SCGB1D2: variants seen among roughly 807,000 people sequenced by gnomAD.
The protein encoded by SCGB1D2 is secretoglobin family 1D member 2.
Under a neutral mutation model 10.5 loss-of-function variants are expected in SCGB1D2, and 10 were observed. The observed-to-expected ratio is 0.95, with a 90% CI of 0.59 to 1.61. SCGB1D2 has a LOEUF of 1.61. Ranked by LOEUF, SCGB1D2 falls within the 40% of genes most tolerant of loss-of-function variation. SCGB1D2 has a pLI of 0.00. For missense variants in SCGB1D2, 113 were observed against 103.8 expected, an observed-to-expected ratio of 1.09 and a Z score of -0.38; for synonymous variants, 42 against 42.8, an observed-to-expected ratio of 0.98 and a Z score of 0.08.
intron 2 of SCGB1D2, 92 bp downstream of exon 2, chr11:62,243,568 G>T (rs1443101068): frequency 2.7e-6 from 3 of 1,126,728 alleles, no homozygotes; most frequent in Non-Finnish European, 3.8e-6. Context: ...GACACAGGTG[G>T]TGGGGCAGCT....
intron 2 of SCGB1D2, among the ~76,000 whole-genome samples, chr11:62,244,446 G>T (rs112494161): frequency 6.6e-6 from 1 of 152,048 alleles, no homozygotes; most frequent in Non-Finnish European, 1.5e-5. Context: ...CCTCATTCCC[G>T]GATCACCCCA....
At position 62,242,242 on chromosome 11, in the gene SCGB1D2, C is replaced by A; in HGVS notation, c.-66C>A. ...GCCCTGGGCTCTGCAGCTCCACAGG[C>A]TCCTGGGGTGGAGTCCAAATCACTC... On this transcript the variant is annotated 5_prime_UTR_variant, in exon 1 of 3. Transcript: ENST00000244926. 1.3e-6 allele frequency: 2 copies of A among 1,565,540 alleles called. No individual in the cohort carries two copies. Among genetic ancestry groups the A allele is most frequent in the Non-Finnish European group, 1.8e-6 (2 of 1,137,336 alleles).
chr11:62,243,466 C>A lies in SCGB1D2; in HGVS notation c.233C>A (p.Ala78Glu), dbSNP rs373290916. Reference protein sequence around the residue: ...QMSLQKRSLIAEVLVKILKKC... With the variant: ...QMSLQKRSLIEEVLVKILKKC... ...TCCCTTCAGAAACGAAGCCTCATTG[C>A]GGAAGTCCTGGTAACTTCTTTCTCC... The change falls in exon 2 of 3, where the codon GCG (alanine) becomes GAG (glutamate). Residue 78 changes from alanine to glutamate, a missense_variant. Ala to Glu is a moderately radical substitution (Grantham distance 107). Transcript: ENST00000244926. 52 of 1,612,366 alleles carry A rather than the reference C, an allele frequency of 3.2e-5. No individual in the cohort carries two copies. The African/African-American group carries it at 4.7e-4, about 14-fold the overall frequency.
At chr11:62,243,630 C>T (rs972289904) in intron 2 of SCGB1D2, among the ~76,000 whole-genome samples, 154 bp downstream of exon 2, 3 of 152,154 alleles carry the variant, frequency 2.0e-5, no homozygotes, top group African/African-American at 7.2e-5. Context: ...GGGTGGGTGC[C>T]ACCATTTCAC....
rs150142974 is a variant in SCGB1D2 at position 62,243,078 on chromosome 11, G to A, written c.56-211G>A. Among the ~76,000 whole-genome samples the A allele has an allele frequency of 1.3e-4, 20 of 151,970 alleles. No individual in the cohort carries two copies. The East Asian group carries it at 3.9e-3, about 29-fold the overall frequency. The stretch of plus-strand genomic sequence containing the variant: ...CTGAATTCCAGCCTGGGTGACAAAG[G>A]GAAAAAAAAGAGTTTGGCTGTTGAT... On this transcript the variant is annotated intron_variant, in intron 1 of 2. Coordinates refer to ENST00000244926, the MANE Select transcript of SCGB1D2 (RefSeq NM_006551.4).
intron 2 of SCGB1D2, among the ~76,000 whole-genome samples, 180 bp from the exon 3 acceptor site, chr11:62,244,490 T>C (rs58933761): frequency 3.2e-4 from 48 of 152,268 alleles, no homozygotes; most frequent in African/African-American, 1.1e-3. Context: ...GGCTGCTCCA[T>C]CACCGGCATG....
Position 62,243,313 on chromosome 11 carries a change from T to C in SCGB1D2, c.80T>C (p.Leu27Pro), listed in dbSNP as rs1208554671. Residue 27 changes from leucine (L) to proline (P), a missense_variant, in exon 2 of 3, where the codon CTT (leucine) becomes CCT (proline). By Grantham distance (98) the Leu-to-Pro change is moderately conservative (BLOSUM62 -3). Coordinates refer to ENST00000244926, the MANE Select transcript of SCGB1D2 (RefSeq NM_006551.4). ...GCCAATGCCGAGTTCTGCCCAGCTCTTGTTTCTGAGCTGTTAGACTTCTTC... is the reference window on the plus strand; with the variant it reads ...GCCAATGCCGAGTTCTGCCCAGCTCCTGTTTCTGAGCTGTTAGACTTCTTC... ...YQANAEFCPA[L>P]VSELLDFFFI... is the part of the protein sequence containing the mutation. The C allele has an allele frequency of 6.2e-7, 1 of 1,613,782 alleles. No homozygotes were observed. The highest frequency in any genetic ancestry group is 1.1e-5 in the South Asian group (1 of 91,036).
intron 2 of SCGB1D2, among the ~76,000 whole-genome samples, chr11:62,244,055 G>T (rs1215371190): frequency 1.3e-5 from 2 of 152,140 alleles, no homozygotes; most frequent in African/African-American, 4.8e-5. Flanking sequence ...AGTCGTCCAA[G>T]ACCCTAGCTA....
At position 62,243,307 on chromosome 11, in the gene SCGB1D2, C is replaced by G. The variant is rs748654159; in HGVS notation, c.74C>G (p.Pro25Arg). 1 of 1,613,360 alleles carries G rather than the reference C, an allele frequency of 6.2e-7. No individual in the cohort carries two copies. The highest frequency in any genetic ancestry group is 8.5e-7 in the Non-Finnish European group (1 of 1,179,562). ...GCTGCAGCCAATGCCGAGTTCTGCC[C>G]AGCTCTTGTTTCTGAGCTGTTAGAC... ...CCYQANAEFC[P>R]ALVSELLDFF... Residue 25 changes from proline (P) to arginine (R), a missense_variant, in exon 2 of 3, where the codon CCA (proline) becomes CGA (arginine). Physicochemically the swap from Pro to Arg is moderately radical, Grantham distance 103. Coordinates refer to ENST00000244926, the MANE Select transcript of SCGB1D2 (RefSeq NM_006551.4).
intron 1 of SCGB1D2, 132 bp from the exon 2 acceptor site, chr11:62,243,157 T>C (rs1945077656): frequency 1.4e-5 from 9 of 655,392 alleles, no homozygotes; most frequent in Non-Finnish European, 2.6e-6. Context: ...CTGAAGGGTC[T>C]GGCATTGTCA....
Position 62,243,378 on chromosome 11 carries a change from T to C in SCGB1D2, c.145T>C (p.Phe49Leu). The change falls in exon 2 of 3, where the codon TTT becomes CTT. Residue 49 changes from phenylalanine (F) to leucine (L), a missense_variant. Phe to Leu is a conservative substitution (Grantham distance 22). Transcript: ENST00000244926. The stretch of plus-strand genomic sequence containing the variant: ...TCTGTTCAAGTTAAGTCTTGCCAAA[T>C]TTGATGCCCCTCCGGAAGCTGTTGC... ...EPLFKLSLAK[F>L]DAPPEAVAAK... 2 of 1,614,098 alleles carry C rather than the reference T, an allele frequency of 1.2e-6. No individual in the cohort carries two copies. The highest frequency in any genetic ancestry group is 1.7e-6 in the Non-Finnish European group (2 of 1,179,940).
At chr11:62,244,198 T>C (rs1945089915) in intron 2 of SCGB1D2, among the ~76,000 whole-genome samples, 1 of 152,162 alleles carries the variant, frequency 6.6e-6, no homozygotes, top group South Asian at 2.1e-4. Flanking sequence ...CAAATGCTCA[T>C]GGAAGCTGCA....
In SCGB1D2 at chr11:62,244,788, T is replaced by A; in HGVS notation, c.*89T>A. On this transcript the variant is annotated 3_prime_UTR_variant, in exon 3 of 3. Transcript: ENST00000244926. ...ATGTAAAGGTTTCAACGTCTTGCTTTAATAAATCACTTGCTCTCCACGTCT... is the reference window on the plus strand; with the variant it reads ...ATGTAAAGGTTTCAACGTCTTGCTTAAATAAATCACTTGCTCTCCACGTCT... 8.7e-7 allele frequency: 1 copy of A among 1,155,694 alleles called. No individual in the cohort carries two copies. Among genetic ancestry groups the A allele is most frequent in the Non-Finnish European group, 1.3e-6 (1 of 775,438 alleles). 71.6% of individuals were successfully genotyped at this position (1,155,694 alleles called of 1,614,324 possible). A position where few individuals can be genotyped will look rare whatever the true frequency, so the allele number is the denominator to read the frequency against.
chr11:62,242,254 A>C lies in SCGB1D2; in HGVS notation c.-54A>C. The C allele has an allele frequency of 6.3e-7, 1 of 1,595,426 alleles. No individual in the cohort carries two copies. ...GCAGCTCCACAGGCTCCTGGGGTGG[A>C]GTCCAAATCACTCATTGTTTGTGAA... On this transcript the variant is annotated 5_prime_UTR_variant, in exon 1 of 3. Coordinates refer to ENST00000244926, the MANE Select transcript of SCGB1D2 (RefSeq NM_006551.4).
In SCGB1D2 at chr11:62,243,361, A is replaced by G; in HGVS notation, c.128A>G (p.Lys43Arg). 1 of 1,614,032 alleles carries G rather than the reference A, an allele frequency of 6.2e-7. No individual in the cohort carries two copies. Among genetic ancestry groups the G allele is most frequent in the African/African-American group, 1.3e-5 (1 of 75,026 alleles). Residue 43 changes from lysine to arginine, a missense_variant, in exon 2 of 3, where the codon AAG becomes AGG. Lys to Arg is a conservative substitution (Grantham distance 26, BLOSUM62 2). Coordinates refer to ENST00000244926, the MANE Select transcript of SCGB1D2 (RefSeq NM_006551.4). ...TTCTTCATTAGTGAACCTCTGTTCA[A>G]GTTAAGTCTTGCCAAATTTGATGCC... Reference protein sequence around the residue: ...DFFFISEPLFKLSLAKFDAPP... With the variant: ...DFFFISEPLFRLSLAKFDAPP...
At chr11:62,243,195 T>TA (rs1368787205) in intron 1 of SCGB1D2, 94 bp from the exon 2 acceptor site, 1 of 959,424 alleles carries the variant, frequency 1.0e-6, no homozygotes, top group East Asian at 2.5e-5. Flanking sequence ...TGTGAACATA[T>TA]AACCCAGGGG....
chr11:62,244,428 AT>A (rs1372293375), intron 2 of SCGB1D2, among the ~76,000 whole-genome samples: 1 of 152,120 alleles, frequency 6.6e-6, no homozygotes, highest in East Asian at 1.9e-4. Flanking sequence ...TTCCATGAGG[AT>A]CCTGGGCCTC....
At chr11:62,242,859 G>A (rs1452623094) in intron 1 of SCGB1D2, among the ~76,000 whole-genome samples, 4 of 152,228 alleles carry the variant, frequency 2.6e-5, no homozygotes, top group African/African-American at 9.6e-5. Flanking sequence ...AGGTCAAGGA[G>A]AGTGAATTGC....
chr11:62,243,077 G>A lies in SCGB1D2; in HGVS notation c.56-212G>A, dbSNP rs1409803204. On this transcript the variant is annotated intron_variant, in intron 1 of 2. Coordinates refer to ENST00000244926, the MANE Select transcript of SCGB1D2 (RefSeq NM_006551.4). ...ACTGAATTCCAGCCTGGGTGACAAA[G>A]GGAAAAAAAAGAGTTTGGCTGTTGA... 2.0e-5 allele frequency among the ~76,000 whole-genome samples: 3 copies of A among 152,096 alleles called. No homozygotes were observed. The South Asian group carries it at 6.2e-4, about 32-fold the overall frequency.
Sources: gnomAD v4.1 joint callset for allele counts (sites outside exome capture counted in the v4.1 genomes callset) on GRCh38, gnomAD v4.1.1 for gene constraint, MANE v1.5 for transcripts, NCBI Gene and HGNC (gene_info 2026-07-23, HGNC 2026-07-21) for gene names.